Variants in CYTH2 observed in about 807,000 individuals in gnomAD.
The protein encoded by CYTH2 is cytohesin-2.
A neutral mutation model predicts 55.4 loss-of-function variants in CYTH2; 24 were observed. The observed-to-expected ratio is 0.43, with a 90% CI of 0.31 to 0.61. The LOEUF is 0.61. Ranked by LOEUF, CYTH2 falls within the 20% of genes least tolerant of loss-of-function variation. The probability of loss-of-function intolerance (pLI) is 0.08; values close to 1 mark genes in which losing one functional copy is unlikely to be tolerated. For synonymous variants in CYTH2, 221 were observed against 209.6 expected (o/e 1.05, Z -0.47); for missense variants, 378 against 533.5 (o/e 0.71, Z 2.87).
chr19:48,476,112 A>C (rs1188604675), intron 8 of CYTH2: 2 of 471,616 alleles, frequency 4.2e-6, no homozygotes, highest in Non-Finnish European at 8.6e-6. Context: ...TCACCACCTC[A>C]ACAGATGCCA....
At chr19:48,479,096 C>T (rs1371896846) in intron 11 of CYTH2, 27 bp from the exon 12 acceptor site, 1 of 1,612,304 alleles carries the variant, frequency 6.2e-7, no homozygotes, top group Non-Finnish European at 8.5e-7. Flanking sequence ...CCTTGGCCCT[C>T]ATCCTGGGAC....
rs987111513 is a variant in CYTH2, at chr19:48,480,677, C to G, written c.*1467C>G. On this transcript the variant is annotated 3_prime_UTR_variant, in exon 12 of 12. Transcript: ENST00000452733. Reference sequence around the variant, plus strand: ...GGAGGGTAGAGGAGGCTTTGACCGCCGCGGCCCCGGGGGCTGGTGGGAAAT... The same window carrying G: ...GGAGGGTAGAGGAGGCTTTGACCGCGGCGGCCCCGGGGGCTGGTGGGAAAT... The G allele has an allele frequency of 1.3e-5, 2 of 152,182 alleles. No homozygotes were observed. Among genetic ancestry groups the G allele is most frequent in the African/African-American group, 4.8e-5 (2 of 41,446 alleles). The allele number at this position is 152,182 out of a possible 1,614,324, so 9.4% of individuals were successfully genotyped here.
intron 4 of CYTH2, 34 bp downstream of exon 4, chr19:48,472,477 C>CCCCA: frequency 6.5e-7 from 1 of 1,531,082 alleles, no homozygotes; most frequent in Non-Finnish European, 8.9e-7. Flanking sequence ...TGGGGCCCCT[C>CCCCA]CCTCCCACCC....
rs200059386 is a variant in CYTH2, at chr19:48,479,201, G to T, written c.1191G>T (p.Glu397Asp). ...KKRISVKKKQ[E>D]QP ...GGATTTCAGTCAAGAAGAAGCAGGAGCAGCCCTGACCCCCTGCCCCCAACT... is the reference window on the plus strand; with the variant it reads ...GGATTTCAGTCAAGAAGAAGCAGGATCAGCCCTGACCCCCTGCCCCCAACT... Residue 397 changes from glutamate (E) to aspartate (D), a missense_variant, in exon 12 of 12, where the codon GAG (glutamate) becomes GAT (aspartate). Glu to Asp is a conservative substitution (Grantham distance 45). Transcript: ENST00000452733. The T allele has an allele frequency of 9.9e-6, 16 of 1,614,072 alleles. No homozygotes were observed. In the East Asian group the frequency reaches 3.3e-4, roughly 34 times the overall value.
intron 8 of CYTH2, chr19:48,477,744 T>G (rs1971945934): frequency 2.7e-6 from 1 of 372,098 alleles, no homozygotes; most frequent in Non-Finnish European, 4.9e-6. Context: ...TGTCTTTGTC[T>G]CCCATCACTA....
At chr19:48,472,285 T>C (rs766054156) in intron 3 of CYTH2, 40 bp from the exon 4 acceptor site, 7 of 1,597,316 alleles carry the variant, frequency 4.4e-6, no homozygotes, top group Non-Finnish European at 6.0e-6. Context: ...TGGGGTGGCT[T>C]TCTGGCCCTC....
At chr19:48,478,029 C>A in intron 8 of CYTH2, 40 bp from the exon 9 acceptor site, 2 of 1,562,708 alleles carry the variant, frequency 1.3e-6, no homozygotes, top group Non-Finnish European at 1.8e-6. Flanking sequence ...GCCCTGTCCC[C>A]CTGTTGAGCC....
intron 8 of CYTH2, chr19:48,476,948 T>G (rs1400730599): frequency 2.0e-5 from 3 of 152,342 alleles, no homozygotes; most frequent in African/African-American, 7.2e-5. Flanking sequence ...CACGCCTCAG[T>G]TTGGTTCTGA....
chr19:48,470,061 CG>C (rs1339895804), intron 1 of CYTH2: 1 of 635,754 alleles, frequency 1.6e-6, no homozygotes, highest in African/African-American at 1.8e-5. Flanking sequence ...ACCTAGAAGC[CG>C]AGGCCCCCAG....
chr19:48,473,994 A>C lies in CYTH2; in HGVS notation c.524A>C (p.Asn175Thr). The C allele has an allele frequency of 1.2e-6, 2 of 1,612,604 alleles. No individual in the cohort carries two copies. Among genetic ancestry groups the C allele is most frequent in the Non-Finnish European group, 1.7e-6 (2 of 1,179,398 alleles). ...EAFAQRYCLC[N>T]PGVFQSTDTC... ...TTCGCCCAGCGATACTGCCTGTGCA[A>C]CCCTGGGGTTTTCCAGTCCACAGGT... The change falls in exon 6 of 12, where the codon AAC (asparagine) becomes ACC (threonine). Residue 175 changes from asparagine (N) to threonine (T), a missense_variant. Coordinates refer to ENST00000452733, the MANE Select transcript of CYTH2 (RefSeq NM_004228.7).
Position 48,469,532 on chromosome 19 carries a change from T to TCGGGGAGGGGCGGGGTCGG in CYTH2, c.19+8_19+26dup. The TCGGGGAGGGGCGGGGTCGG allele has an allele frequency of 1.5e-6, 2 of 1,327,016 alleles. No homozygotes were observed. Among genetic ancestry groups the TCGGGGAGGGGCGGGGTCGG allele is most frequent in the Non-Finnish European group, 1.9e-6 (2 of 1,031,118 alleles). 82.2% of individuals were successfully genotyped at this position (1,327,016 alleles called of 1,614,324 possible). On this transcript the variant is annotated splice_region_variant and intron_variant, in intron 1 of 11. Coordinates refer to ENST00000452733, the MANE Select transcript of CYTH2 (RefSeq NM_004228.7). ...CATGGAGGACGGCGTCTATGGTAGG[T>TCGGGGAGGGGCGGGGTCGG]CGGGGAGGGGCGGGGTCGGCTGGGA...
At chr19:48,472,561 C>A in intron 4 of CYTH2, 118 bp downstream of exon 4, 1 of 847,332 alleles carries the variant, frequency 1.2e-6, no homozygotes, top group Non-Finnish European at 1.9e-6. Flanking sequence ...GCAGAGGGGC[C>A]CTGGCAGATC....
chr19:48,469,551 G>C, intron 1 of CYTH2, 25 bp downstream of exon 1: 6 of 1,318,108 alleles, frequency 4.6e-6, no homozygotes, highest in Non-Finnish European at 5.8e-6. Context: ...GGCGGGGTCG[G>C]CTGGGAGTTG....
chr19:48,469,605 C>T (rs1971740925), intron 1 of CYTH2, 79 bp downstream of exon 1: 1 of 1,320,576 alleles, frequency 7.6e-7, no homozygotes, highest in Non-Finnish European at 9.7e-7. Context: ...ACGTTTCCCC[C>T]TGGCGCGCGG....
Position 48,469,531 on chromosome 19 carries a change from G to A in CYTH2, c.19+5G>A, listed in dbSNP as rs1055830359. The A allele has an allele frequency of 3.8e-6, 5 of 1,330,462 alleles. No homozygotes were observed. The highest frequency in any genetic ancestry group is 4.8e-6 in the Non-Finnish European group (5 of 1,033,080). 82.4% of individuals were successfully genotyped at this position (1,330,462 alleles called of 1,614,324 possible). On this transcript the variant is annotated splice_donor_5th_base_variant and intron_variant, in intron 1 of 11. Coordinates refer to ENST00000452733, the MANE Select transcript of CYTH2 (RefSeq NM_004228.7). ...CCATGGAGGACGGCGTCTATGGTAG[G>A]TCGGGGAGGGGCGGGGTCGGCTGGG...
Position 48,478,579 on chromosome 19 carries a change from A to T in CYTH2, c.1099A>T (p.Ile367Phe). The change falls in exon 11 of 12, where the codon ATC becomes TTC. Residue 367 changes from isoleucine to phenylalanine, a missense_variant. Ile to Phe is a conservative substitution (Grantham distance 21). Transcript: ENST00000452733. The stretch of plus-strand genomic sequence containing the variant: ...CACGCAGGAGGAGAAGGACGAGTGG[A>T]TCAAGTCCATCCAGTGAGCCTGGAC... ...APTQEEKDEW[I>F]KSIQAAVSVD... 1 of 1,611,114 alleles carries T rather than the reference A, an allele frequency of 6.2e-7. No homozygotes were observed. Among genetic ancestry groups the T allele is most frequent in the Non-Finnish European group, 8.5e-7 (1 of 1,178,348 alleles).
Position 48,469,399 on chromosome 19 carries a change from G to C in CYTH2, c.-109G>C. The C allele has an allele frequency of 8.1e-7, 1 of 1,230,194 alleles. No individual in the cohort carries two copies. The highest frequency in any genetic ancestry group is 1.0e-6 in the Non-Finnish European group (1 of 959,354). 76.2% of individuals were successfully genotyped at this position (1,230,194 alleles called of 1,614,324 possible). A position where few individuals can be genotyped will look rare whatever the true frequency, so the allele number is the denominator to read the frequency against. On this transcript the variant is annotated 5_prime_UTR_variant, in exon 1 of 12. Coordinates refer to ENST00000452733, the MANE Select transcript of CYTH2 (RefSeq NM_004228.7). ...TGAGGACTGGCGCTGAGGAGGCGGC[G>C]GTGGCTCCCGGGGCGTTTGAGCGGG...
intron 1 of CYTH2, 168 bp downstream of exon 1, chr19:48,469,694 G>A (rs1031932965): frequency 9.2e-7 from 1 of 1,091,674 alleles, no homozygotes; most frequent in South Asian, 1.9e-5. Context: ...GGCGGGGCCC[G>A]AAAGCCGGGC....
At chr19:48,477,756 A>G (rs1471911376) in intron 8 of CYTH2, 1 of 405,728 alleles carries the variant, frequency 2.5e-6, no homozygotes, top group Non-Finnish European at 4.5e-6. Context: ...CCATCACTAG[A>G]CGAGGGGAGG....
Sources: allele counts gnomAD v4.1 joint callset, GRCh38; gene constraint gnomAD v4.1.1; transcripts MANE v1.5; gene names NCBI Gene and HGNC (gene_info 2026-07-23, HGNC 2026-07-21).